The following CNTNAP2 variants were observed in gnomAD, a reference collection of about 807,000 sequenced individuals.
CNTNAP2 encodes contactin associated protein 2, also known as contactin-associated protein-like 2.
A neutral mutation model predicts 155.2 loss-of-function variants in CNTNAP2; 98 were observed. The ratio of observed to expected loss-of-function variants is 0.63; its 90% CI spans 0.54 to 0.75. The LOEUF (loss-of-function observed/expected upper bound fraction) is 0.75. Ranked by LOEUF, CNTNAP2 falls within the 30% of genes least tolerant of loss-of-function variation. The pLI is 0.00. For missense variants in CNTNAP2, 1,727 were observed against 1,688.1 expected (o/e 1.02, Z -0.40); for synonymous variants, 651 against 631.2 (o/e 1.03, Z -0.47).
intron 1 of CNTNAP2, among the ~76,000 whole-genome samples, chr7:146,635,754 C>T (rs1319266143): frequency 2.0e-5 from 3 of 151,722 alleles, no homozygotes; most frequent in Admixed American, 6.6e-5. Flanking sequence ...TGCTGCCTTC[C>T]GGAGTCCTCC....
intron 3 of CNTNAP2, among the ~76,000 whole-genome samples, chr7:146,990,075 A>G (rs115081802): frequency 0.01 from 1,558 of 152,098 alleles, 30 homozygotes; most frequent in African/African-American, 0.036. Flanking sequence ...GAGAAAAATA[A>G]AAAATAAAAA....
chr7:146,320,795 A>G (rs1002604436), intron 1 of CNTNAP2, among the ~76,000 whole-genome samples: 1 of 152,170 alleles, frequency 6.6e-6, no homozygotes, highest in Non-Finnish European at 1.5e-5. Context: ...AGTTAAAAAA[A>G]TTCTTGATTT....
chr7:148,351,744 CA>C (rs71188974), intron 21 of CNTNAP2, among the ~76,000 whole-genome samples: 18,929 of 85,404 alleles, frequency 0.22, 1,987 homozygotes, highest in Non-Finnish European at 0.28. Context: ...CTCTGTCTCA[CA>C]AAAAAAAAAA....
At chr7:147,113,204 A>C (rs1211086298) in intron 5 of CNTNAP2, among the ~76,000 whole-genome samples, 2 of 151,900 alleles carry the variant, frequency 1.3e-5, no homozygotes, top group Non-Finnish European at 2.9e-5. Context: ...CTGATGGTAC[A>C]GAGAATACTA....
intron 1 of CNTNAP2, among the ~76,000 whole-genome samples, chr7:146,457,451 T>C (rs1283221419): frequency 2.6e-5 from 3 of 113,914 alleles, no homozygotes; most frequent in Non-Finnish European, 3.7e-5. Flanking sequence ...AATCAAATTA[T>C]AATTTGATTC....
chr7:147,043,825 T>C, intron 3 of CNTNAP2, 82 bp from the exon 4 acceptor site: 24 of 1,516,086 alleles, frequency 1.6e-5, no homozygotes, highest in Non-Finnish European at 2.2e-5. Context: ...TGGATGACAT[T>C]TGTGTTTATT....
At chr7:146,960,586 C>A (rs1455196601) in intron 3 of CNTNAP2, among the ~76,000 whole-genome samples, 1 of 152,150 alleles carries the variant, frequency 6.6e-6, no homozygotes, top group Non-Finnish European at 1.5e-5. Flanking sequence ...TCATACAAGG[C>A]ATATAAGGAT....
At chr7:147,773,978 C>T (rs372962351) in intron 13 of CNTNAP2, among the ~76,000 whole-genome samples, 35 of 152,270 alleles carry the variant, frequency 2.3e-4, no homozygotes, top group African/African-American at 7.9e-4. Flanking sequence ...TGAAAAATCA[C>T]CCACTTCCCT....
intron 16 of CNTNAP2, among the ~76,000 whole-genome samples, chr7:148,127,389 A>C (rs1176550151): frequency 6.6e-6 from 1 of 152,196 alleles, no homozygotes; most frequent in African/African-American, 2.4e-5. Context: ...CATTCAGGAA[A>C]AGCAACCAGA....
chr7:147,177,987 A>T (rs1382835970), intron 8 of CNTNAP2, among the ~76,000 whole-genome samples: 3 of 152,078 alleles, frequency 2.0e-5, no homozygotes, highest in Non-Finnish European at 2.9e-5. Context: ...ACATGCAGAG[A>T]ATCCACTAAT....
intron 3 of CNTNAP2, among the ~76,000 whole-genome samples, chr7:146,976,612 C>A (rs1470499546): frequency 6.6e-6 from 1 of 152,154 alleles, no homozygotes; most frequent in Non-Finnish European, 1.5e-5. Flanking sequence ...GGGCCTGAAG[C>A]TTCCATGCCC....
intron 13 of CNTNAP2, among the ~76,000 whole-genome samples, chr7:147,781,781 T>C (rs1338872000): frequency 1.3e-5 from 2 of 152,156 alleles, no homozygotes; most frequent in African/African-American, 2.4e-5. Flanking sequence ...CCCAGCACTT[T>C]GGGAGGCTGA....
chr7:147,597,662 C>G (rs1221253433), intron 12 of CNTNAP2, among the ~76,000 whole-genome samples: 2 of 152,178 alleles, frequency 1.3e-5, no homozygotes, highest in Non-Finnish European at 2.9e-5. Flanking sequence ...GGAACTACCT[C>G]AAGCTCATCT....
At chr7:148,278,140 TG>T (rs1424351055) in intron 21 of CNTNAP2, among the ~76,000 whole-genome samples, 1 of 152,108 alleles carries the variant, frequency 6.6e-6, no homozygotes, top group Non-Finnish European at 1.5e-5. Context: ...TTCCCTTCAG[TG>T]AAGAAAACAG....
At position 146,729,326 on chromosome 7, in the gene CNTNAP2, A is replaced by G. The variant is rs1157599806; in HGVS notation, c.98-44945A>G. Among the ~76,000 whole-genome samples the G allele has an allele frequency of 2.0e-5, 3 of 152,200 alleles. No individual in the cohort carries two copies. The East Asian group carries it at 5.8e-4, about 29-fold the overall frequency. On this transcript the variant is annotated intron_variant, in intron 1 of 23. Coordinates refer to ENST00000361727, the MANE Select transcript of CNTNAP2 (RefSeq NM_014141.6). ...AGTGAGTTTTAAACAGGAGATTCAT[A>G]TGAGCAGATTCTGATTTTTGAAAGA...
At chr7:147,119,070 G>A (rs1801047212) in intron 5 of CNTNAP2, among the ~76,000 whole-genome samples, 1 of 152,082 alleles carries the variant, frequency 6.6e-6, no homozygotes, top group South Asian at 2.1e-4. Context: ...AGAAACAAAA[G>A]ACATTTTTGT....
At chr7:146,655,785 C>G (rs778271519) in intron 1 of CNTNAP2, among the ~76,000 whole-genome samples, 1 of 152,140 alleles carries the variant, frequency 6.6e-6, no homozygotes, top group African/African-American at 2.4e-5. Flanking sequence ...TGAAAACTCT[C>G]TCTTATGAAT....
chr7:146,801,582 T>C (rs1802878804), intron 2 of CNTNAP2, among the ~76,000 whole-genome samples: 1 of 152,180 alleles, frequency 6.6e-6, no homozygotes, highest in African/African-American at 2.4e-5. Flanking sequence ...AAAATATGCT[T>C]TTTAATTTGA....
intron 1 of CNTNAP2, among the ~76,000 whole-genome samples, chr7:146,222,910 C>T (rs1266338320): frequency 2.0e-5 from 3 of 152,006 alleles, no homozygotes; most frequent in Non-Finnish European, 4.4e-5. Flanking sequence ...CCGCCCGCCT[C>T]GGCCTCCCAA....
Sources: gnomAD v4.1 joint callset for allele counts (sites outside exome capture counted in the v4.1 genomes callset) on GRCh38, gnomAD v4.1.1 for gene constraint, MANE v1.5 for transcripts, NCBI Gene and HGNC (gene_info 2026-07-23, HGNC 2026-07-21) for gene names.